Variants in MYO10 observed in about 807,000 individuals in gnomAD.
MYO10 encodes myosin X, also known as unconventional myosin-X.
Under a neutral mutation model 257.3 loss-of-function variants are expected in MYO10, and 133 were observed. That is an observed-to-expected ratio of 0.52 (90% CI 0.45 to 0.60). The LOEUF (loss-of-function observed/expected upper bound fraction) is 0.60, where lower values mean the gene tolerates loss of function less well. Among genes scored for constraint, MYO10 ranks in the 20% least tolerant of loss-of-function variants. The pLI, the probability that MYO10 is intolerant of heterozygous loss-of-function variation, is 0.00. For synonymous variants in MYO10, 1,104 were observed against 1,028.6 expected, an observed-to-expected ratio of 1.07 and a Z score of -1.40; for missense variants, 2,399 against 2,635.7, an observed-to-expected ratio of 0.91 and a Z score of 1.97.
rs1193329961 is a variant in MYO10, at chr5:16,681,502, T to A, written c.4191A>T (p.Gly1397=). 3.1e-6 allele frequency: 5 copies of A among 1,595,330 alleles called. No individual in the cohort carries two copies. The African/African-American group carries it at 4.1e-5, about 13-fold the overall frequency. The change falls in exon 32 of 41, where the codon GGA becomes GGT. Residue 1397 remains glycine (G), a splice_region_variant and synonymous_variant. Transcript: ENST00000513610. The stretch of plus-strand genomic sequence containing the variant: ...TGTTCTTCACCTCTTTGTGCAACCA[T>A]CCTGGAAAAAAAGATTAAAGTGTAA... ...RVEGQEFIVR[G]WLHKEVKNSP...
chr5:16,676,302 T>A, intron 33 of MYO10, 148 bp from the exon 34 acceptor site: 1 of 905,840 alleles, frequency 1.1e-6, no homozygotes, highest in Non-Finnish European at 1.7e-6. Flanking sequence ...AAGATACCCA[T>A]AATCTGTGTT....
chr5:16,714,352 A>T, intron 19 of MYO10, among the ~76,000 whole-genome samples: 1 of 151,830 alleles, frequency 6.6e-6, no homozygotes. Flanking sequence ...AGTCAACAGG[A>T]TGGGATGGAA....
chr5:16,710,385 T>A (rs1301383202), intron 21 of MYO10, among the ~76,000 whole-genome samples: 1 of 152,216 alleles, frequency 6.6e-6, no homozygotes, highest in Non-Finnish European at 1.5e-5. Context: ...AAAAGGGGGT[T>A]AAGGAGCCTC....
At chr5:16,810,152 A>G (rs142140461) in intron 3 of MYO10, among the ~76,000 whole-genome samples, 3 of 152,258 alleles carry the variant, frequency 2.0e-5, no homozygotes, top group Non-Finnish European at 2.9e-5. Context: ...TGCTGGGTAC[A>G]TAATAATTTG....
Position 16,698,451 on chromosome 5 carries a change from A to G in MYO10, c.3556+999T>C, listed in dbSNP as rs1383951688. ...GGCCCCTAAGTGTTAAGGTTCAGCA[A>G]AGTATACTCAAATGTTAGTAACAAT... On this transcript the variant is annotated intron_variant, in intron 26 of 40. Transcript: ENST00000513610. Among the ~76,000 whole-genome samples, 5 of 152,054 alleles carry G rather than the reference A, an allele frequency of 3.3e-5. No homozygotes were observed. The East Asian group carries it at 9.7e-4, about 29-fold the overall frequency.
chr5:16,876,406 T>C (rs890957034), intron 2 of MYO10, among the ~76,000 whole-genome samples: 1 of 152,184 alleles, frequency 6.6e-6, no homozygotes, highest in Non-Finnish European at 1.5e-5. Context: ...GGTGCTCCTA[T>C]AAACAGGAGA....
chr5:16,680,150 C>A, intron 32 of MYO10, 46 bp from the exon 33 acceptor site: 1 of 1,582,780 alleles, frequency 6.3e-7, no homozygotes, highest in Non-Finnish European at 8.6e-7. Flanking sequence ...ACGCCAACCT[C>A]GGGGACTGAG....
intron 38 of MYO10, among the ~76,000 whole-genome samples, 177 bp downstream of exon 38, chr5:16,671,245 A>G (rs1196575263): frequency 6.6e-6 from 1 of 152,188 alleles, no homozygotes; most frequent in East Asian, 1.9e-4. Context: ...AGGTTCAAAT[A>G]AAATGTGTAG....
intron 23 of MYO10, 86 bp downstream of exon 23, chr5:16,702,839 T>G: frequency 7.9e-7 from 1 of 1,258,352 alleles, no homozygotes; most frequent in Middle Eastern, 1.9e-4. Context: ...GGGCATCTGC[T>G]GGGATTTCTG....
intron 1 of MYO10, among the ~76,000 whole-genome samples, chr5:16,879,806 G>C (rs2126763949): frequency 6.6e-6 from 1 of 152,326 alleles, no homozygotes; most frequent in Non-Finnish European, 1.5e-5. Context: ...TTCCTAGGAA[G>C]GAACATTTAA....
At chr5:16,771,858 G>A (rs1741060820) in intron 9 of MYO10, among the ~76,000 whole-genome samples, 1 of 150,328 alleles carries the variant, frequency 6.7e-6, no homozygotes, top group Non-Finnish European at 1.5e-5. Context: ...TGGAATTACA[G>A]GCATGAGCCA....
intron 3 of MYO10, among the ~76,000 whole-genome samples, chr5:16,811,582 C>T (rs909750699): frequency 2.6e-5 from 4 of 152,168 alleles, no homozygotes; most frequent in Non-Finnish European, 5.9e-5. Context: ...CAGGGTCTTG[C>T]TCTGTTGCCC....
At chr5:16,909,562 C>A (rs1580140351) in intron 1 of MYO10, among the ~76,000 whole-genome samples, 1 of 150,940 alleles carries the variant, frequency 6.6e-6, no homozygotes, top group Non-Finnish European at 1.5e-5. Context: ...ATCACTATTG[C>A]GAGAATAGCA....
chr5:16,856,174 G>A (rs112632145), intron 2 of MYO10, among the ~76,000 whole-genome samples: 2,773 of 152,164 alleles, frequency 0.018, 42 homozygotes, highest in African/African-American at 0.042. Flanking sequence ...ATAATCAATC[G>A]TATGACACAT....
chr5:16,682,073 G>GT, intron 30 of MYO10, 60 bp from the exon 31 acceptor site: 6 of 1,564,412 alleles, frequency 3.8e-6, no homozygotes, highest in Non-Finnish European at 5.2e-6. Flanking sequence ...CATCACCTCT[G>GT]TGTGAACCGA....
chr5:16,798,050 C>T (rs1031157040), intron 3 of MYO10, among the ~76,000 whole-genome samples: 5 of 152,066 alleles, frequency 3.3e-5, no homozygotes, highest in South Asian at 2.1e-4. Context: ...AGAGTAAGTT[C>T]GACATGCATT....
intron 19 of MYO10, among the ~76,000 whole-genome samples, chr5:16,747,918 C>CAAA (rs777257950): frequency 7.5e-4 from 23 of 30,524 alleles, no homozygotes; most frequent in East Asian, 9.0e-3. Flanking sequence ...AACTCCGTCT[C>CAAA]AAAAAAAAAA....
At chr5:16,688,249 G>A (rs1280111978) in intron 28 of MYO10, among the ~76,000 whole-genome samples, 1 of 152,138 alleles carries the variant, frequency 6.6e-6, no homozygotes, top group Non-Finnish European at 1.5e-5. Flanking sequence ...GGTCTAAGCA[G>A]GTGTTTTAGT....
intron 9 of MYO10, among the ~76,000 whole-genome samples, chr5:16,776,135 G>A (rs913457195): frequency 2.7e-5 from 4 of 150,684 alleles, no homozygotes; most frequent in African/African-American, 9.8e-5. Context: ...GTGCTCAAGT[G>A]ATCTGCCCAC....
Sources: allele counts gnomAD v4.1 joint callset (sites outside exome capture counted in the v4.1 genomes callset), GRCh38; gene constraint gnomAD v4.1.1; transcripts MANE v1.5; gene names NCBI Gene and HGNC (gene_info 2026-07-23, HGNC 2026-07-21).